Variants in HEATR5B observed in about 807,000 individuals in gnomAD.
HEATR5B encodes the protein HEAT repeat-containing protein 5B.
HEATR5B carries 156 observed loss-of-function variants against 224.1 expected under a neutral mutation model. That is an observed-to-expected ratio of 0.70 (90% CI 0.61 to 0.80). The LOEUF is 0.80. Ranked by LOEUF, HEATR5B falls within the 30% of genes least tolerant of loss-of-function variation. The pLI is 0.00. For synonymous variants in HEATR5B, 1,027 were observed against 893.0 expected, an observed-to-expected ratio of 1.15 and a Z score of -2.68; for missense variants, 2,323 against 2,535.5, an observed-to-expected ratio of 0.92 and a Z score of 1.80.
chr2:37,019,746 A>T, intron 26 of HEATR5B, 63 bp downstream of exon 26: 1 of 1,194,080 alleles, frequency 8.4e-7, no homozygotes, highest in Non-Finnish European at 1.2e-6. Flanking sequence ...TACACAAGTT[A>T]AATTCTAAGA....
At chr2:37,007,453 C>T (rs752379689) in intron 28 of HEATR5B, 149 bp from the exon 29 acceptor site, 68 of 813,558 alleles carry the variant, frequency 8.4e-5, no homozygotes, top group African/African-American at 2.0e-4. Context: ...AAGCAATTCT[C>T]CTGCCTCAGC....
intron 21 of HEATR5B, among the ~76,000 whole-genome samples, chr2:37,033,963 T>C (rs1659457757): frequency 6.6e-6 from 1 of 152,268 alleles, no homozygotes; most frequent in African/African-American, 2.4e-5. Context: ...AGCAAGGAAG[T>C]AATCTTTTAG....
At chr2:37,042,656 C>G (rs1669944441) in intron 18 of HEATR5B, among the ~76,000 whole-genome samples, 1 of 152,066 alleles carries the variant, frequency 6.6e-6, no homozygotes, top group African/African-American at 2.4e-5. Flanking sequence ...TTTTGGGAAG[C>G]CAAGGCAAGT....
chr2:37,017,037 G>A (rs1160606146), intron 26 of HEATR5B, among the ~76,000 whole-genome samples: 1 of 152,156 alleles, frequency 6.6e-6, no homozygotes, highest in Non-Finnish European at 1.5e-5. Flanking sequence ...GTGAAATTTG[G>A]TAGAAATATA....
intron 16 of HEATR5B, among the ~76,000 whole-genome samples, chr2:37,056,168 G>A (rs987479047): frequency 2.0e-5 from 3 of 151,574 alleles, no homozygotes; most frequent in Admixed American, 1.3e-4. Context: ...CATATATAAT[G>A]AAAATTTTGT....
At chr2:37,039,070 C>T (rs917883669) in intron 20 of HEATR5B, among the ~76,000 whole-genome samples, 4 of 151,578 alleles carry the variant, frequency 2.6e-5, no homozygotes, top group South Asian at 4.2e-4. Context: ...CCTGTAATCC[C>T]AGCACTTTGC....
In HEATR5B at chr2:36,992,362, C is replaced by CT. The variant is rs531518113; in HGVS notation, c.5546-1564dup. On this transcript the variant is annotated intron_variant, in intron 33 of 35. Transcript: ENST00000233099. ...TTGGGAAACTGAATTGGGAGGACTGCTTGAGCTCAGGAATTCAAGACTAGC... is the reference window on the plus strand; with the variant it reads ...TTGGGAAACTGAATTGGGAGGACTGCTTTGAGCTCAGGAATTCAAGACTAGC... Among the ~76,000 whole-genome samples the CT allele has an allele frequency of 7.2e-5, 11 of 152,280 alleles. 1 individual carries two copies. The East Asian group carries it at 2.1e-3, about 29-fold the overall frequency.
chr2:36,990,647 C>A lies in HEATR5B; in HGVS notation c.5697+1G>T. ...CTATGTCTGTGTAACGTGTAACTTA[C>A]CCATGGGTCGCATGAATTTAATGCA... On this transcript the variant is annotated splice_donor_variant, in intron 34 of 35. Coordinates refer to ENST00000233099, the MANE Select transcript of HEATR5B (RefSeq NM_019024.3). LOFTEE classifies it high-confidence loss of function. 6.3e-7 allele frequency: 1 copy of A among 1,579,692 alleles called. No homozygotes were observed. Among genetic ancestry groups the A allele is most frequent in the Non-Finnish European group, 8.6e-7 (1 of 1,161,818 alleles).
intron 35 of HEATR5B, among the ~76,000 whole-genome samples, chr2:36,988,410 G>A (rs1666092091): frequency 6.6e-6 from 1 of 151,920 alleles, no homozygotes; most frequent in Admixed American, 6.6e-5. Context: ...CAGCAGGTGT[G>A]CGCCACACAC....
rs183316466 is a variant in HEATR5B at position 37,041,270 on chromosome 2, C to T, written c.2719G>A (p.Val907Ile). Residue 907 changes from valine (V) to isoleucine (I), a missense_variant, in exon 19 of 36, where the codon GTA (valine) becomes ATA (isoleucine). By Grantham distance (29) the Val-to-Ile change is conservative. This residue lies in a region of HEATR5B where 170 missense variants were observed against 216.7 expected (regional missense o/e 0.78). Transcript: ENST00000233099. ...GCCAATGAATGACCAGTCCTAGATA[C>T]AACATCTCGAGCCGATTTCAACCTG... Reference protein sequence around the residue: ...FDKLKSARDVVSRTGHSLALG... With the variant: ...FDKLKSARDVISRTGHSLALG... 3.2e-5 allele frequency: 51 copies of T among 1,613,798 alleles called. No individual in the cohort carries two copies. Among genetic ancestry groups the T allele is most frequent in the Non-Finnish European group, 4.2e-5 (49 of 1,179,802 alleles).
Position 37,077,020 on chromosome 2 carries a change from C to A in HEATR5B, c.339-1G>T. ...TGCTCCGACACAAGCCACCGCAGCC[C>A]TGTAAGAAGTGACAACTTCACTAGT... On this transcript the variant is annotated splice_acceptor_variant, in intron 3 of 35. Coordinates refer to ENST00000233099, the MANE Select transcript of HEATR5B (RefSeq NM_019024.3). LOFTEE classifies it high-confidence loss of function. The A allele has an allele frequency of 2.5e-6, 4 of 1,610,906 alleles. No individual in the cohort carries two copies. Among genetic ancestry groups the A allele is most frequent in the Non-Finnish European group, 2.5e-6 (3 of 1,177,462 alleles).
chr2:37,018,224 G>A (rs1387483841), intron 26 of HEATR5B, among the ~76,000 whole-genome samples: 1 of 151,716 alleles, frequency 6.6e-6, no homozygotes, highest in East Asian at 1.9e-4. Flanking sequence ...GGCCACAAAA[G>A]AAATAAGTTT....
At chr2:37,044,855 G>T (rs1388764594) in intron 18 of HEATR5B, among the ~76,000 whole-genome samples, 1 of 151,910 alleles carries the variant, frequency 6.6e-6, no homozygotes, top group Non-Finnish European at 1.5e-5. Context: ...TTCTCTCTAC[G>T]CCTCATTTTT....
chr2:37,049,604 A>G (rs1670410500), intron 18 of HEATR5B, 49 bp downstream of exon 18: 2 of 1,461,568 alleles, frequency 1.4e-6, no homozygotes, highest in Non-Finnish European at 1.9e-6. Context: ...ATTATTTAAA[A>G]GACATCTTTG....
intron 24 of HEATR5B, among the ~76,000 whole-genome samples, chr2:37,025,481 C>T (rs77522409): frequency 0.021 from 3,211 of 149,822 alleles, 110 homozygotes; most frequent in African/African-American, 0.075. Flanking sequence ...AAAAATCATG[C>T]GGCATCCTCG....
chr2:37,083,281 T>C lies in HEATR5B; in HGVS notation c.126+8A>G, dbSNP rs766172694. The C allele has an allele frequency of 2.9e-5, 46 of 1,613,682 alleles. No homozygotes were observed. Among genetic ancestry groups the C allele is most frequent in the African/African-American group, 2.7e-5 (2 of 74,898 alleles). On this transcript the variant is annotated splice_region_variant and intron_variant, in intron 2 of 35. Transcript: ENST00000233099. ...TAATGCAACTGGGAAAAAAGAGCAA[T>C]ACCATACCTTGTTGGCAGCAACCAA... is the stretch of plus-strand genomic sequence containing the variant.
intron 20 of HEATR5B, among the ~76,000 whole-genome samples, chr2:37,039,616 G>C (rs903478290): frequency 1.3e-5 from 2 of 152,126 alleles, no homozygotes; most frequent in Non-Finnish European, 2.9e-5. Context: ...GTTGTTATCC[G>C]AATTAAATAA....
chr2:37,027,778 C>T, intron 24 of HEATR5B, 145 bp downstream of exon 24: 1 of 818,308 alleles, frequency 1.2e-6, no homozygotes, highest in Admixed American at 2.7e-5. Context: ...GGACAGAAAA[C>T]TAAGATGAAA....
At chr2:37,008,361 C>A (rs1336009503) in intron 28 of HEATR5B, 6 of 534,052 alleles carry the variant, frequency 1.1e-5, no homozygotes, top group African/African-American at 1.9e-5. Flanking sequence ...ATTTAGAATA[C>A]CCTAGCTCAT....
Sources: allele counts gnomAD v4.1 joint callset (sites outside exome capture counted in the v4.1 genomes callset), GRCh38; gene constraint gnomAD v4.1.1; regional missense constraint gnomAD v4.1.1; transcripts MANE v1.5; gene names NCBI Gene and HGNC (gene_info 2026-07-23, HGNC 2026-07-21).